The following DSCAM variants were observed in gnomAD, a reference collection of about 807,000 sequenced individuals.
The protein encoded by DSCAM is cell adhesion molecule DSCAM.
A neutral mutation model predicts 217.7 loss-of-function variants in DSCAM; 47 were observed. The observed-to-expected ratio is 0.22, with a 90% CI of 0.17 to 0.28. The LOEUF (loss-of-function observed/expected upper bound fraction) is 0.28. Ranked by LOEUF, DSCAM falls within the 10% of genes least tolerant of loss-of-function variation. The probability of loss-of-function intolerance (pLI) is 1.00; values close to 1 mark genes in which losing one functional copy is unlikely to be tolerated. For missense variants in DSCAM, 2,080 were observed against 2,618.3 expected, an observed-to-expected ratio of 0.79 and a Z score of 4.49; for synonymous variants, 1,056 against 1,015.3, an observed-to-expected ratio of 1.04 and a Z score of -0.76.
chr21:40,138,483 G>A, intron 18 of DSCAM, among the ~76,000 whole-genome samples: 1 of 147,832 alleles, frequency 6.8e-6, no homozygotes, highest in Non-Finnish European at 1.5e-5. Context: ...GTGTATTGGG[G>A]GTGTGTGTGG....
intron 8 of DSCAM, among the ~76,000 whole-genome samples, chr21:40,324,103 CAAAAAAAAAAA>C (rs71330393): frequency 1.4e-4 from 4 of 27,946 alleles, no homozygotes; most frequent in Non-Finnish European, 1.8e-4. Context: ...AACTCTGTCT[CAAAAAAAAAAA>C]AAAAAAAAAA....
At chr21:40,093,286 T>G (rs893012499) in intron 21 of DSCAM, among the ~76,000 whole-genome samples, 4 of 152,246 alleles carry the variant, frequency 2.6e-5, no homozygotes, top group African/African-American at 7.2e-5. Context: ...AAGTCTTTGC[T>G]TATAGCATTC....
At chr21:40,305,133 T>C (rs1199942679) in intron 9 of DSCAM, among the ~76,000 whole-genome samples, 1 of 152,102 alleles carries the variant, frequency 6.6e-6, no homozygotes, top group Non-Finnish European at 1.5e-5. Flanking sequence ...CTCACTCCTG[T>C]AATCTCGGCA....
At chr21:40,189,875 A>G (rs1441347471) in intron 11 of DSCAM, among the ~76,000 whole-genome samples, 4 of 152,166 alleles carry the variant, frequency 2.6e-5, no homozygotes, top group African/African-American at 9.7e-5. Flanking sequence ...GCATGTCTGT[A>G]TCAGCAGCAT....
intron 10 of DSCAM, among the ~76,000 whole-genome samples, chr21:40,290,646 C>A (rs2073880776): frequency 1.3e-5 from 2 of 152,112 alleles, no homozygotes; most frequent in South Asian, 4.2e-4. Context: ...AAATAAACTA[C>A]CAGACTTCAA....
chr21:40,133,707 G>A (rs946178100), intron 19 of DSCAM, 147 bp downstream of exon 19: 1 of 812,020 alleles, frequency 1.2e-6, no homozygotes, highest in African/African-American at 1.8e-5. Flanking sequence ...GGAAGTTAAT[G>A]GTCTGAATTG....
chr21:40,113,397 T>C (rs1321817095), intron 20 of DSCAM, among the ~76,000 whole-genome samples: 13 of 152,292 alleles, frequency 8.5e-5, no homozygotes, highest in African/African-American at 3.1e-4. Context: ...AAATTAGGTA[T>C]TGATGGGACG....
chr21:40,621,608 G>A (rs2089518520), intron 3 of DSCAM, among the ~76,000 whole-genome samples: 1 of 151,826 alleles, frequency 6.6e-6, no homozygotes, highest in Non-Finnish European at 1.5e-5. Flanking sequence ...AGAGAAGAGT[G>A]CTGTTTGCCA....
intron 1 of DSCAM, among the ~76,000 whole-genome samples, chr21:40,753,061 C>G (rs1044838373): frequency 6.6e-6 from 1 of 152,196 alleles, no homozygotes; most frequent in Non-Finnish European, 1.5e-5. Context: ...GGGAGCCCAG[C>G]CTTTTTCTTC....
intron 28 of DSCAM, among the ~76,000 whole-genome samples, chr21:40,060,549 G>A (rs917392837): frequency 3.3e-5 from 5 of 151,608 alleles, no homozygotes; most frequent in Non-Finnish European, 7.4e-5. Context: ...CTCAGTGTAC[G>A]GACTGGTGAA....
At chr21:40,319,465 C>T (rs771666909) in intron 8 of DSCAM, among the ~76,000 whole-genome samples, 7 of 149,770 alleles carry the variant, frequency 4.7e-5, no homozygotes, top group Non-Finnish European at 1.0e-4. Context: ...GTGTGTGTGA[C>T]ATTCTCTTTA....
At chr21:40,508,756 TATATATATATATATATA>T (rs2076231383) in intron 3 of DSCAM, among the ~76,000 whole-genome samples, 1 of 42,470 alleles carries the variant, frequency 2.4e-5, no homozygotes, top group African/African-American at 1.0e-4. Context: ...TATATATATA[TATATATATATATATATA>T]TATATATATA....
intron 1 of DSCAM, among the ~76,000 whole-genome samples, chr21:40,831,968 A>G (rs1028190352): frequency 6.6e-6 from 1 of 152,234 alleles, no homozygotes; most frequent in African/African-American, 2.4e-5. Flanking sequence ...ATGTGGCTTG[A>G]TTTGGGAGAA....
At chr21:40,040,926 C>G (rs913222287) in intron 32 of DSCAM, among the ~76,000 whole-genome samples, 1 of 115,044 alleles carries the variant, frequency 8.7e-6, no homozygotes, top group African/African-American at 3.7e-5. Flanking sequence ...GCCAACAACA[C>G]GAAAAAAAAA....
chr21:40,263,878 T>C (rs1405946376), intron 11 of DSCAM, among the ~76,000 whole-genome samples: 1 of 152,088 alleles, frequency 6.6e-6, no homozygotes, highest in African/African-American at 2.4e-5. Flanking sequence ...ACATCACAAC[T>C]GACACCACAG....
chr21:40,342,091 T>C (rs918779602), intron 6 of DSCAM, among the ~76,000 whole-genome samples: 2 of 152,176 alleles, frequency 1.3e-5, no homozygotes, highest in East Asian at 3.9e-4. Context: ...TGTGTTTCCT[T>C]TAGTGGGTGT....
chr21:40,085,042 G>A (rs376163142), intron 23 of DSCAM, among the ~76,000 whole-genome samples: 16 of 152,042 alleles, frequency 1.1e-4, no homozygotes, highest in African/African-American at 3.6e-4. Context: ...TTATTGATTG[G>A]GATTTACACA....
intron 20 of DSCAM, among the ~76,000 whole-genome samples, chr21:40,097,330 T>G (rs551990712): frequency 6.6e-6 from 1 of 152,108 alleles, no homozygotes; most frequent in Non-Finnish European, 1.5e-5. Context: ...GAAAGTACAC[T>G]AAGATGTTAA....
chr21:40,495,467 T>C (rs897578143), intron 3 of DSCAM, among the ~76,000 whole-genome samples: 11 of 152,186 alleles, frequency 7.2e-5, no homozygotes, highest in African/African-American at 2.4e-4. Context: ...GAAAAGGCTT[T>C]TGAGAAAATT....
Sources: allele counts gnomAD v4.1 joint callset (sites outside exome capture counted in the v4.1 genomes callset), GRCh38; gene constraint gnomAD v4.1.1; transcripts MANE v1.5; gene names NCBI Gene and HGNC (gene_info 2026-07-23, HGNC 2026-07-21).